MECR: variants seen among roughly 807,000 people sequenced by gnomAD.
The protein encoded by MECR is mitochondrial trans-2-enoyl-CoA reductase.
A neutral mutation model predicts 49.1 loss-of-function variants in MECR; 37 were observed. That is an observed-to-expected ratio of 0.75 (90% CI 0.58 to 0.99). The LOEUF is 0.99. Ranked by LOEUF, MECR falls within the 50% of genes least tolerant of loss-of-function variation. The pLI is 0.00. For synonymous variants in MECR, 198 were observed against 191.1 expected (o/e 1.04, Z -0.30); for missense variants, 470 against 479.6 (o/e 0.98, Z 0.19).
At chr1:29,206,106 C>T (rs891204313) in intron 4 of MECR, among the ~76,000 whole-genome samples, 2 of 152,224 alleles carry the variant, frequency 1.3e-5, no homozygotes, top group Non-Finnish European at 2.9e-5. Flanking sequence ...ACAGTCTCTG[C>T]ACTGTATGCC....
At chr1:29,176,488 TTA>T in the MECR span, among the ~76,000 whole-genome samples, 1,294 of 119,276 alleles carry the variant, frequency 0.011, 23 homozygotes, top group African/African-American at 0.048. Context: ...ACTAAAAACT[TTA>T]AAAAAAAAAA....
the MECR span, among the ~76,000 whole-genome samples, chr1:29,175,649 T>C: frequency 1.7e-5 from 2 of 117,966 alleles, no homozygotes; most frequent in African/African-American, 6.6e-5. Flanking sequence ...GAGCCGAGAT[T>C]GCGCCACTGC....
intron 4 of MECR, among the ~76,000 whole-genome samples, chr1:29,204,981 G>C (rs1676221445): frequency 6.6e-6 from 1 of 152,252 alleles, no homozygotes; most frequent in African/African-American, 2.4e-5. Context: ...ACAACTGTGG[G>C]CCTCAGTTTC....
chr1:29,175,793 G>T, the MECR span, among the ~76,000 whole-genome samples: 1 of 146,996 alleles, frequency 6.8e-6, no homozygotes, highest in Non-Finnish European at 1.5e-5. Context: ...TACATAAAGA[G>T]AGTTATTCAA....
intron 3 of MECR, among the ~76,000 whole-genome samples, chr1:29,211,569 AT>A (rs1314096691): frequency 6.6e-6 from 1 of 152,268 alleles, no homozygotes; most frequent in Non-Finnish European, 1.5e-5. Context: ...TGCAAAGATC[AT>A]TGCATATATT....
At chr1:29,209,204 C>T (rs972700654) in intron 3 of MECR, among the ~76,000 whole-genome samples, 2 of 150,516 alleles carry the variant, frequency 1.3e-5, no homozygotes, top group Non-Finnish European at 2.9e-5. Context: ...GCCTGTGTTT[C>T]ACAGAATACT....
chr1:29,192,830 C>T lies in MECR; in HGVS notation c.*1192G>A, dbSNP rs1574215044. ...GGCCTAGGGCAAGATCTTTATTCTGCTCTTACAGCACCCCACATATCTTCT... is the reference window on the plus strand; with the variant it reads ...GGCCTAGGGCAAGATCTTTATTCTGTTCTTACAGCACCCCACATATCTTCT... On this transcript the variant is annotated 3_prime_UTR_variant, in exon 10 of 10. Transcript: ENST00000263702. 2.0e-5 allele frequency: 3 copies of T among 152,170 alleles called. No homozygotes were observed. The highest frequency in any genetic ancestry group is 2.0e-4 in the Admixed American group (3 of 15,266). The allele number at this position is 152,170 out of a possible 1,614,324, so 9.4% of individuals were successfully genotyped here.
intron 8 of MECR, 72 bp from the exon 9 acceptor site, chr1:29,196,085 C>T (rs779504458): frequency 2.5e-6 from 4 of 1,597,770 alleles, no homozygotes; most frequent in Non-Finnish European, 3.4e-6. Context: ...GTACAGACTC[C>T]CCTCCAGGAA....
chr1:29,169,629 C>CA, the MECR span: 1 of 151,918 alleles, frequency 6.6e-6, no homozygotes, highest in Admixed American at 6.6e-5. Flanking sequence ...GCAATGAGAA[C>CA]ACAAATATAT....
Position 29,201,854 on chromosome 1 carries a change from G to C in MECR, c.756+89C>G. 8.8e-7 allele frequency: 1 copy of C among 1,135,026 alleles called. No homozygotes were observed. The highest frequency in any genetic ancestry group is 1.3e-6 in the Non-Finnish European group (1 of 754,788). The allele number at this position is 1,135,026 out of a possible 1,614,324, so 70.3% of individuals were successfully genotyped here. A position where few individuals can be genotyped will look rare whatever the true frequency, so the allele number is the denominator to read the frequency against. On this transcript the variant is annotated intron_variant, in intron 6 of 9. Coordinates refer to ENST00000263702, the MANE Select transcript of MECR (RefSeq NM_016011.5). This position sits in a 1 kb window ranked among gnomAD's most constrained non-coding sequence, Gnocchi z 4.3. ...GGGAGGTTTCCAGAGAGGAACAATG[G>C]GGCCAGTCCCCAGTTTCTCTAATGC...
chr1:29,190,323 C>T (rs548000660), downstream of MECR, among the ~76,000 whole-genome samples: 3 of 151,834 alleles, frequency 2.0e-5, no homozygotes, highest in East Asian at 1.9e-4. Flanking sequence ...TGCAGTGAGC[C>T]GACATCGCGC....
chr1:29,185,646 T>A, the MECR span, among the ~76,000 whole-genome samples: 1 of 152,178 alleles, frequency 6.6e-6, no homozygotes, highest in Non-Finnish European at 1.5e-5. Context: ...AACTTCCAAC[T>A]CCAGGTGATT....
chr1:29,200,682 A>C, intron 6 of MECR, 93 bp from the exon 7 acceptor site: 1 of 1,089,836 alleles, frequency 9.2e-7, no homozygotes, highest in Non-Finnish European at 1.4e-6. Flanking sequence ...GGAGGGAGTA[A>C]ATGAGATGTT....
In MECR at chr1:29,203,240, A is replaced by G; in HGVS notation, c.551-7T>C. The G allele has an allele frequency of 6.4e-7, 1 of 1,564,284 alleles. No homozygotes were observed. The highest frequency in any genetic ancestry group is 8.7e-7 in the Non-Finnish European group (1 of 1,149,812). ...TTCTGGATGACAGAATCCCCTGTGG[A>G]GCCAGGAAGAGAACCAAATCAAGCC... On this transcript the variant is annotated splice_polypyrimidine_tract_variant and splice_region_variant and intron_variant, in intron 4 of 9. Coordinates refer to ENST00000263702, the MANE Select transcript of MECR (RefSeq NM_016011.5).
intron 3 of MECR, among the ~76,000 whole-genome samples, chr1:29,212,405 G>C (rs936753999): frequency 2.0e-5 from 3 of 152,212 alleles, no homozygotes; most frequent in African/African-American, 7.2e-5. Context: ...AACAGAGCGA[G>C]ACTCTGTCTC....
chr1:29,196,315 GAACCTGCCAT>G, intron 7 of MECR, 57 bp from the exon 8 acceptor site: 1 of 1,487,674 alleles, frequency 6.7e-7, no homozygotes, highest in Non-Finnish European at 9.2e-7. Flanking sequence ...AGCCCTTCCT[GAACCTGCCAT>G]GGCGCTTCTA....
chr1:29,186,111 C>T, the MECR span, among the ~76,000 whole-genome samples: 4 of 152,196 alleles, frequency 2.6e-5, no homozygotes, highest in Non-Finnish European at 5.9e-5. Context: ...AATGCTTGTC[C>T]CTAAAACCTG....
chr1:29,198,275 G>A (rs1198828719), intron 7 of MECR, among the ~76,000 whole-genome samples: 1 of 152,178 alleles, frequency 6.6e-6, no homozygotes, highest in Non-Finnish European at 1.5e-5. Context: ...CTGGGGGCTG[G>A]GGACCCGTGT....
chr1:29,174,071 C>T, the MECR span, among the ~76,000 whole-genome samples: 2 of 151,726 alleles, frequency 1.3e-5, no homozygotes. Context: ...CGCCTGTAAT[C>T]CCAGCTACTT....
Sources: allele counts gnomAD v4.1 joint callset (sites outside exome capture counted in the v4.1 genomes callset), GRCh38; gene constraint gnomAD v4.1.1; non-coding constraint Gnocchi (gnomAD v3.1); transcripts MANE v1.5; gene names NCBI Gene and HGNC (gene_info 2026-07-23, HGNC 2026-07-21).